The following AKAP6 variants were observed in gnomAD, a reference collection of about 807,000 sequenced individuals.
AKAP6 encodes A-kinase anchor protein 6.
AKAP6 carries 58 observed loss-of-function variants against 188.5 expected under a neutral mutation model. The observed-to-expected ratio is 0.31, with a 90% confidence interval of 0.25 to 0.38. AKAP6 has a LOEUF of 0.38. Among genes scored for constraint, AKAP6 ranks in the 10% least tolerant of loss-of-function variants. AKAP6 has a pLI of 1.00. For synonymous variants in AKAP6, 989 were observed against 998.6 expected, an observed-to-expected ratio of 0.99 and a Z score of 0.18; for missense variants, 2,710 against 2,740.0, an observed-to-expected ratio of 0.99 and a Z score of 0.24.
chr14:32,515,703 G>A (rs1881487099), intron 2 of AKAP6, among the ~76,000 whole-genome samples: 1 of 152,062 alleles, frequency 6.6e-6, no homozygotes, highest in Non-Finnish European at 1.5e-5. Context: ...CTGATGCCTA[G>A]CGTGATGCAA....
Position 32,546,225 on chromosome 14 carries a change from A to T in AKAP6, c.1572A>T (p.Thr524=), listed in dbSNP as rs771286162. Residue 524 remains threonine (T), a synonymous_variant, in exon 4 of 14, where the codon ACA becomes ACT. Transcript: ENST00000280979. ...GTTCAGGCAAACAAGCTAAAAATACAAAGAGCTCAGCAGTGCCAAATGGAG... is the reference window on the plus strand; with the variant it reads ...GTTCAGGCAAACAAGCTAAAAATACTAAGAGCTCAGCAGTGCCAAATGGAG... ...GTGSGKQAKN[T]KSSAVPNGEL... 2 of 1,614,152 alleles carry T rather than the reference A, an allele frequency of 1.2e-6. No homozygotes were observed. The highest frequency in any genetic ancestry group is 1.1e-5 in the South Asian group (1 of 91,082).
At chr14:32,586,610 G>A (rs980568281) in intron 5 of AKAP6, among the ~76,000 whole-genome samples, 5 of 152,286 alleles carry the variant, frequency 3.3e-5, no homozygotes, top group East Asian at 1.9e-4. Flanking sequence ...CAGCCTGGGC[G>A]ACTGAGGGAG....
chr14:32,388,931 T>A (rs1223760342), intron 1 of AKAP6, among the ~76,000 whole-genome samples: 1 of 152,146 alleles, frequency 6.6e-6, no homozygotes, highest in Non-Finnish European at 1.5e-5. Context: ...TTGATGACTG[T>A]CTAGTGCTGT....
chr14:32,619,649 A>C (rs922634417), intron 7 of AKAP6, among the ~76,000 whole-genome samples: 13 of 152,126 alleles, frequency 8.5e-5, no homozygotes, highest in Admixed American at 2.6e-4. Flanking sequence ...TGTTTTGGCT[A>C]TCTGGGCTCT....
chr14:32,705,488 T>G (rs1392145229), intron 9 of AKAP6, among the ~76,000 whole-genome samples: 2 of 152,122 alleles, frequency 1.3e-5, no homozygotes, highest in Non-Finnish European at 2.9e-5. Flanking sequence ...GAGATGGGTG[T>G]AGGATAGAGG....
intron 1 of AKAP6, among the ~76,000 whole-genome samples, chr14:32,385,462 G>T (rs760363263): frequency 2.7e-5 from 4 of 149,572 alleles, no homozygotes; most frequent in African/African-American, 4.9e-5. Context: ...TTGGATACAT[G>T]AGTAAGTTCT....
At chr14:32,725,289 C>T (rs898682783) in intron 9 of AKAP6, among the ~76,000 whole-genome samples, 2 of 152,194 alleles carry the variant, frequency 1.3e-5, no homozygotes, top group African/African-American at 4.8e-5. Context: ...GAGGTCATGT[C>T]AAGGTTAGTT....
rs1308587278 is a variant in AKAP6 at position 32,824,507 on chromosome 14, C to T, written c.6694C>T (p.Pro2232Ser). The T allele has an allele frequency of 6.2e-7, 1 of 1,613,938 alleles. No homozygotes were observed. The highest frequency in any genetic ancestry group is 1.1e-5 in the South Asian group (1 of 91,072). Residue 2232 changes from proline (P) to serine (S), a missense_variant, in exon 13 of 14, where the codon CCC becomes TCC. Physicochemically the swap from Pro to Ser is moderately conservative, Grantham distance 74 (BLOSUM62 -1). Coordinates refer to ENST00000280979, the MANE Select transcript of AKAP6 (RefSeq NM_004274.5). ...GGTTGGAAAGGAAGTGAATGGTTTG[C>T]CCCAAACTTCCAGTGGCTGTGCAGA... ...AEVGKEVNGL[P>S]QTSSGCAENL...
rs1886091451 is a variant in AKAP6 at position 32,605,423 on chromosome 14, A to T, written c.2730+4631A>T. ...GGAACCTGGGACCTTGTTGCAGATG[A>T]TGAGTAGGCCAGCCTGCCACAGACT... is the stretch of plus-strand genomic sequence containing the variant. On this transcript the variant is annotated intron_variant, in intron 7 of 13. Transcript: ENST00000280979. Among the ~76,000 whole-genome samples the T allele has an allele frequency of 5.9e-5, 9 of 152,138 alleles. No individual in the cohort carries two copies. The South Asian group carries it at 1.9e-3, about 32-fold the overall frequency.
At chr14:32,513,669 T>C (rs1302425173) in intron 2 of AKAP6, among the ~76,000 whole-genome samples, 1 of 152,316 alleles carries the variant, frequency 6.6e-6, no homozygotes, top group African/African-American at 2.4e-5. Context: ...AACTTTTTAT[T>C]TTTTTTCTTA....
intron 7 of AKAP6, among the ~76,000 whole-genome samples, chr14:32,611,500 G>A (rs1428156667): frequency 6.6e-6 from 1 of 152,178 alleles, no homozygotes; most frequent in African/African-American, 2.4e-5. Flanking sequence ...AAGGATGTAG[G>A]TTTGGTAGTC....
intron 2 of AKAP6, among the ~76,000 whole-genome samples, chr14:32,466,599 G>A (rs1367816686): frequency 6.6e-6 from 1 of 151,664 alleles, no homozygotes; most frequent in African/African-American, 2.4e-5. Context: ...AAGGGAGGGA[G>A]AGCATTAGGA....
intron 7 of AKAP6, among the ~76,000 whole-genome samples, chr14:32,658,325 C>T (rs1888539163): frequency 6.6e-6 from 1 of 152,028 alleles, no homozygotes; most frequent in African/African-American, 2.4e-5. Context: ...TTCTAAAGAG[C>T]ATCCTTTTTT....
At chr14:32,346,607 C>T (rs1030035037) in intron 1 of AKAP6, among the ~76,000 whole-genome samples, 4 of 152,236 alleles carry the variant, frequency 2.6e-5, no homozygotes, top group Admixed American at 2.6e-4. Flanking sequence ...CTCCCGGGTT[C>T]ACGCCATTCT....
At chr14:32,377,444 A>AT (rs965949064) in intron 1 of AKAP6, among the ~76,000 whole-genome samples, 7 of 150,842 alleles carry the variant, frequency 4.6e-5, no homozygotes, top group East Asian at 3.9e-4. Context: ...AACCTCCCAC[A>AT]TTTTTTTTTG....
At chr14:32,760,643 A>AGAGAGGTGTGGT (rs1401018221) in intron 11 of AKAP6, among the ~76,000 whole-genome samples, 3 of 152,184 alleles carry the variant, frequency 2.0e-5, no homozygotes, top group Non-Finnish European at 4.4e-5. Flanking sequence ...AGCAGGCAGG[A>AGAGAGGTGTGGT]GAGAGGTGTG....
intron 11 of AKAP6, among the ~76,000 whole-genome samples, chr14:32,744,926 A>G (rs1044514775): frequency 6.6e-6 from 1 of 151,906 alleles, no homozygotes; most frequent in Non-Finnish European, 1.5e-5. Context: ...TGCCAACTGC[A>G]TTTTTTCAGA....
At chr14:32,529,133 C>G (rs921809055) in intron 2 of AKAP6, among the ~76,000 whole-genome samples, 1 of 152,238 alleles carries the variant, frequency 6.6e-6, no homozygotes, top group African/African-American at 2.4e-5. Flanking sequence ...CATGTATTTA[C>G]TTCCTTGATT....
intron 2 of AKAP6, among the ~76,000 whole-genome samples, chr14:32,468,494 T>C (rs1878585515): frequency 6.6e-6 from 1 of 151,980 alleles, no homozygotes; most frequent in South Asian, 2.1e-4. Context: ...GCAGGGACTT[T>C]GTTGATTCAA....
Sources: allele counts gnomAD v4.1 joint callset (sites outside exome capture counted in the v4.1 genomes callset), GRCh38; gene constraint gnomAD v4.1.1; transcripts MANE v1.5; gene names NCBI Gene and HGNC (gene_info 2026-07-23, HGNC 2026-07-21).